PUDP: variants seen among roughly 807,000 people sequenced by gnomAD.
PUDP encodes pseudouridine-5'-phosphatase.
A neutral mutation model predicts 9.4 loss-of-function variants in PUDP; 8 were observed. The observed-to-expected ratio is 0.85, with a 90% CI of 0.50 to 1.53. PUDP has a LOEUF of 1.53. Among genes scored for constraint, PUDP ranks in the 40% most tolerant of loss-of-function variants. PUDP has a pLI of 0.00. For missense variants in PUDP, 188 were observed against 189.7 expected, an observed-to-expected ratio of 0.99 and a Z score of 0.05; for synonymous variants, 99 against 80.7, an observed-to-expected ratio of 1.23 and a Z score of -1.22.
intron 1 of PUDP, among the ~76,000 whole-genome samples, chrX:7,026,357 C>A (rs1334308663): frequency 8.9e-6 from 1 of 112,022 alleles, no homozygotes; most frequent in Non-Finnish European, 1.9e-5. Flanking sequence ...CCTGCAATGA[C>A]AAAGACATGG....
chrX:6,760,322 G>A (rs184903477), intron 3 of PUDP, among the ~76,000 whole-genome samples: 6 of 112,004 alleles, frequency 5.4e-5, no homozygotes, highest in Non-Finnish European at 9.4e-5. Flanking sequence ...TCAGCCCACT[G>A]TAGTTTTATG....
At chrX:7,087,227 G>A (rs1400614125) in intron 2 of PUDP, among the ~76,000 whole-genome samples, 1 of 112,033 alleles carries the variant, frequency 8.9e-6, no homozygotes. Context: ...AAAGGAGAGG[G>A]AAATTTGGAG....
rs143123504 is a variant in PUDP at position 7,028,481 on chromosome X, G to A, written c.204+48739C>T. Among the ~76,000 whole-genome samples the A allele has an allele frequency of 7.4e-4, 83 of 111,538 alleles. 4 individuals carry two copies. In the East Asian group the frequency reaches 0.022, roughly 30 times the overall value. Reference sequence around the variant, plus strand: ...CGACTCATCCAGGGAGTAAGAGAGTGAAGTCAGCAGTGGGAATGTGGGAGC... The same window carrying A: ...CGACTCATCCAGGGAGTAAGAGAGTAAAGTCAGCAGTGGGAATGTGGGAGC... On this transcript the variant is annotated intron_variant and NMD_transcript_variant, in intron 1 of 3. Coordinates refer to the PUDP transcript ENST00000655425.
chrX:7,054,303 T>G (rs886928304), intron 3 of PUDP, among the ~76,000 whole-genome samples: 1 of 110,273 alleles, frequency 9.1e-6, no homozygotes, highest in Non-Finnish European at 1.9e-5. Flanking sequence ...CCAGCTACTC[T>G]GGAAGCTAAG....
At chrX:7,136,772 C>T (rs1932752502) in intron 1 of PUDP, among the ~76,000 whole-genome samples, 1 of 103,250 alleles carries the variant, frequency 9.7e-6, no homozygotes, top group Non-Finnish European at 2.0e-5. Flanking sequence ...TTACTGGTCC[C>T]GGTCCCTAGA....
chrX:6,730,346 A>T (rs1286598516), intron 3 of PUDP, among the ~76,000 whole-genome samples: 1 of 112,513 alleles, frequency 8.9e-6, no homozygotes, highest in Admixed American at 9.4e-5. Context: ...CTTGGAAATA[A>T]GTCTCGAAGC....
chrX:7,012,947 G>A (rs1929498707), intron 1 of PUDP, among the ~76,000 whole-genome samples: 1 of 110,646 alleles, frequency 9.0e-6, no homozygotes, highest in Admixed American at 9.6e-5. Context: ...TGGGGGTGGG[G>A]GGTGTAATTT....
At chrX:6,722,704 A>G (rs1924688196), upstream of PUDP, among the ~76,000 whole-genome samples, 1 of 111,617 alleles carries the variant, frequency 9.0e-6, no homozygotes, top group African/African-American at 3.2e-5. Flanking sequence ...ATTATTTCCT[A>G]CTCCCGCAAG....
At chrX:7,083,636 CATG>C in intron 2 of PUDP, among the ~76,000 whole-genome samples, 1 of 110,914 alleles carries the variant, frequency 9.0e-6, no homozygotes, top group Admixed American at 9.6e-5. Flanking sequence ...CATGGTGGCT[CATG>C]CCTACAATCT....
At chrX:7,044,551 C>T (rs1373157274), downstream of PUDP, among the ~76,000 whole-genome samples, 1 of 112,075 alleles carries the variant, frequency 8.9e-6, no homozygotes, top group African/African-American at 3.2e-5. Flanking sequence ...AAGTTTAATC[C>T]ATAGCTTCAC....
intron 3 of PUDP, among the ~76,000 whole-genome samples, chrX:6,972,717 C>A (rs971456103): frequency 9.8e-5 from 11 of 111,837 alleles, no homozygotes; most frequent in Non-Finnish European, 1.7e-4. Flanking sequence ...TGATGCTGGC[C>A]TCATAAAATG....
chrX:7,015,002 T>C (rs1350917543), intron 1 of PUDP, among the ~76,000 whole-genome samples: 1 of 111,963 alleles, frequency 8.9e-6, no homozygotes, highest in Non-Finnish European at 1.9e-5. Context: ...TTCTGTTCTC[T>C]GGGATGACAC....
At chrX:6,713,704 C>T (rs753881854) in intron 1 of PUDP, among the ~76,000 whole-genome samples, 17 of 111,031 alleles carry the variant, frequency 1.5e-4, no homozygotes, top group Admixed American at 3.9e-4. Context: ...ATATACCTTT[C>T]TTTCTTGGCT....
At chrX:6,723,565 A>G (rs1207580522), upstream of PUDP, among the ~76,000 whole-genome samples, 5 of 109,419 alleles carry the variant, frequency 4.6e-5, no homozygotes, top group Non-Finnish European at 9.5e-5. Flanking sequence ...ATGTATGCAT[A>G]TTACATAAAA....
At chrX:7,027,706 T>C (rs1370321131) in intron 1 of PUDP, among the ~76,000 whole-genome samples, 10 of 98,645 alleles carry the variant, frequency 1.0e-4, no homozygotes, top group Non-Finnish European at 2.0e-4. Context: ...TAGAATATAG[T>C]TATTCTATTT....
intron 3 of PUDP, among the ~76,000 whole-genome samples, chrX:6,855,640 G>A (rs1023693824): frequency 8.0e-5 from 9 of 111,888 alleles, no homozygotes; most frequent in Non-Finnish European, 1.7e-4. Context: ...AAATGTAGTC[G>A]GGGGAACAAT....
At chrX:6,861,855 G>A in intron 3 of PUDP, among the ~76,000 whole-genome samples, 1 of 111,586 alleles carries the variant, frequency 9.0e-6, no homozygotes, top group Non-Finnish European at 1.9e-5. Flanking sequence ...AGGGAAGGAG[G>A]CATTTGACCT....
In PUDP at chrX:7,024,754, C is replaced by CTTTTTTTTTTTTTTTTT. The variant is rs55692944; in HGVS notation, c.205-46428_205-46412dup. Among the ~76,000 whole-genome samples the CTTTTTTTTTTTTTTTTT allele has an allele frequency of 2.9e-3, 159 of 54,418 alleles. 30 individuals carry two copies. Among genetic ancestry groups the CTTTTTTTTTTTTTTTTT allele is most frequent in the African/African-American group, 6.7e-3 (88 of 13,210 alleles). The allele number at this position is 54,418 out of a possible 115,157, so 47.3% of individuals were successfully genotyped here. ...GGCGCTCGCCACCTCGCCCGGCTAACTTTTTTTTTTTTTTTTTTAGTAGAG... is the reference window on the plus strand; with the variant it reads ...GGCGCTCGCCACCTCGCCCGGCTAACTTTTTTTTTTTTTTTTTTTTTTTTTTTTTTTTTTTAGTAGAG... On this transcript the variant is annotated intron_variant and NMD_transcript_variant, in intron 1 of 3. Coordinates refer to the PUDP transcript ENST00000655425.
chrX:6,986,755 G>A (rs1229731384), intron 1 of PUDP, among the ~76,000 whole-genome samples: 1 of 111,711 alleles, frequency 9.0e-6, no homozygotes, highest in African/African-American at 3.3e-5. Context: ...TTGCATCCTG[G>A]AGGGCCATCA....
Sources: allele counts gnomAD v4.1 joint callset (sites outside exome capture counted in the v4.1 genomes callset), GRCh38; gene constraint gnomAD v4.1.1; transcripts MANE v1.5; gene names NCBI Gene and HGNC (gene_info 2026-07-23, HGNC 2026-07-21).